The following USP25 variants were observed in gnomAD, a reference collection of about 807,000 sequenced individuals.
USP25 encodes the protein ubiquitin carboxyl-terminal hydrolase 25.
In USP25, 85 loss-of-function variants were observed where a neutral mutation model predicts 158.5. The observed-to-expected ratio is 0.54, with a 90% CI of 0.45 to 0.64. USP25 has a LOEUF of 0.64. USP25 is among the 30% of genes least tolerant of loss of function. The probability of loss-of-function intolerance (pLI) is 0.00; values close to 1 mark genes in which losing one functional copy is unlikely to be tolerated. For synonymous variants in USP25, 464 were observed against 460.4 expected (o/e 1.01, Z -0.10); for missense variants, 1,242 against 1,327.3 (o/e 0.94, Z 1.00).
At chr21:15,780,636 G>A (rs973466190) in intron 4 of USP25, among the ~76,000 whole-genome samples, 2 of 152,184 alleles carry the variant, frequency 1.3e-5, no homozygotes, top group African/African-American at 4.8e-5. Context: ...CATTACTTCT[G>A]TGTTTCAACT....
chr21:15,831,378 A>C, intron 15 of USP25, 23 bp from the exon 16 acceptor site: 2 of 1,608,830 alleles, frequency 1.2e-6, no homozygotes, highest in Non-Finnish European at 1.7e-6. Context: ...TTGCAGTTTA[A>C]CTCTTCTTTT....
chr21:15,765,531 C>T (rs1247481823), intron 2 of USP25, among the ~76,000 whole-genome samples: 1 of 151,984 alleles, frequency 6.6e-6, no homozygotes, highest in Non-Finnish European at 1.5e-5. Context: ...CCATTTTCTT[C>T]CCATGAGTCC....
chr21:15,853,297 GTGTACACACAGGTACACACA>G (rs1266519175), intron 20 of USP25, among the ~76,000 whole-genome samples: 99 of 151,414 alleles, frequency 6.5e-4, no homozygotes, highest in African/African-American at 1.9e-3. Flanking sequence ...GTGTACACAT[GTGTACACACAGGTACACACA>G]TGTACACGCA....
At chr21:15,852,321 G>C (rs2038926748) in intron 20 of USP25, among the ~76,000 whole-genome samples, 1 of 151,990 alleles carries the variant, frequency 6.6e-6, no homozygotes, top group Non-Finnish European at 1.5e-5. Context: ...GAAGGAAGTA[G>C]TTTATATGTT....
Position 15,878,003 on chromosome 21 carries a change from C to G in USP25, c.3205+12C>G. On this transcript the variant is annotated intron_variant, in intron 25 of 25. Transcript: ENST00000400183. ...TCAAGAAATGGAACGTAAGTTTAAA[C>G]AATGGTAGTAGGCACCTGAGATGTC... is the stretch of plus-strand genomic sequence containing the variant. 6.2e-7 allele frequency: 1 copy of G among 1,601,316 alleles called. No individual in the cohort carries two copies. The highest frequency in any genetic ancestry group is 8.5e-7 in the Non-Finnish European group (1 of 1,173,670).
chr21:15,833,217 C>T (rs1159742040), intron 16 of USP25, 131 bp from the exon 17 acceptor site: 19 of 805,740 alleles, frequency 2.4e-5, no homozygotes, highest in Non-Finnish European at 3.6e-5. Context: ...AATAGTAATT[C>T]TTAAGTAATA....
intron 3 of USP25, among the ~76,000 whole-genome samples, chr21:15,774,354 A>G (rs1402154239): frequency 6.6e-6 from 1 of 152,174 alleles, no homozygotes. Flanking sequence ...ACTCATATAC[A>G]AGCCTTTAAG....
At chr21:15,830,206 T>A (rs2037728869) in intron 14 of USP25, among the ~76,000 whole-genome samples, 1 of 152,200 alleles carries the variant, frequency 6.6e-6, no homozygotes, top group Non-Finnish European at 1.5e-5. Context: ...TTACTTGTGT[T>A]ATAGCAATAT....
Position 15,842,546 on chromosome 21 carries a change from A to G in USP25, c.2337+6A>G, listed in dbSNP as rs1158084480. On this transcript the variant is annotated splice_donor_region_variant and intron_variant, in intron 18 of 25. Transcript: ENST00000400183. ...CTGAAACAGTTTTGCAGTCGGTAAG[A>G]ACTTTTCTTTTGGCTCTCTGAACAT... 2 of 1,612,888 alleles carry G rather than the reference A, an allele frequency of 1.2e-6. No homozygotes were observed. The highest frequency in any genetic ancestry group is 1.7e-6 in the Non-Finnish European group (2 of 1,179,322).
intron 25 of USP25, among the ~76,000 whole-genome samples, 156 bp downstream of exon 25, chr21:15,878,147 C>A (rs1378390107): frequency 6.6e-6 from 1 of 152,128 alleles, no homozygotes; most frequent in African/African-American, 2.4e-5. Context: ...TATTGATGAA[C>A]TAAGCTGTGT....
At chr21:15,803,613 C>T (rs1039240085) in intron 6 of USP25, among the ~76,000 whole-genome samples, 1 of 151,766 alleles carries the variant, frequency 6.6e-6, no homozygotes, top group African/African-American at 2.4e-5. Flanking sequence ...AAATATGCTT[C>T]TCAGCAGAAT....
intron 17 of USP25, among the ~76,000 whole-genome samples, chr21:15,836,919 G>A (rs2038090873): frequency 6.7e-6 from 1 of 149,366 alleles, no homozygotes; most frequent in South Asian, 2.2e-4. Context: ...TGCTGTCAGT[G>A]TAGGGAACAG....
intron 11 of USP25, 152 bp downstream of exon 11, chr21:15,824,318 C>A: frequency 1.2e-6 from 1 of 858,724 alleles, no homozygotes; most frequent in Non-Finnish European, 1.7e-6. Context: ...ATGAAATTTA[C>A]TTTGTATTAG....
At chr21:15,824,862 C>A in intron 11 of USP25, 104 bp from the exon 12 acceptor site, 1 of 855,876 alleles carries the variant, frequency 1.2e-6, no homozygotes, top group Non-Finnish European at 1.9e-6. Context: ...GTGATCCTCC[C>A]GCCTTGGCGT....
intron 3 of USP25, among the ~76,000 whole-genome samples, chr21:15,767,594 G>A (rs184539081): frequency 1.3e-4 from 20 of 152,006 alleles, no homozygotes; most frequent in African/African-American, 4.6e-4. Context: ...AAGAGAAGTG[G>A]TATAAAGGTC....
At chr21:15,734,636 TTC>T (rs1163531019) in intron 1 of USP25, among the ~76,000 whole-genome samples, 1 of 151,702 alleles carries the variant, frequency 6.6e-6, no homozygotes, top group African/African-American at 2.4e-5. Context: ...ATACTTAATA[TTC>T]TGACCTCTTT....
At chr21:15,745,819 C>G (rs2032508690) in intron 1 of USP25, among the ~76,000 whole-genome samples, 1 of 152,088 alleles carries the variant, frequency 6.6e-6, no homozygotes, top group African/African-American at 2.4e-5. Flanking sequence ...ATTTTTTCTC[C>G]CTGTGTTTTG....
chr21:15,729,985 C>G lies in USP25; in HGVS notation c.-409C>G, dbSNP rs1484426263. ...GCGGAGGGAGGAGGACAACGCCATT[C>G]CGGGCGGCCGCTCCCTCCGTCCCCT... On this transcript the variant is annotated 5_prime_UTR_variant, in exon 1 of 26. Coordinates refer to ENST00000400183, the MANE Select transcript of USP25 (RefSeq NM_001283041.3). 2.0e-5 allele frequency: 3 copies of G among 151,470 alleles called. No homozygotes were observed. Among genetic ancestry groups the G allele is most frequent in the African/African-American group, 2.4e-5 (1 of 41,352 alleles). 9.4% of individuals were successfully genotyped at this position (151,470 alleles called of 1,614,324 possible).
intron 9 of USP25, among the ~76,000 whole-genome samples, chr21:15,812,736 A>T (rs1243029536): frequency 1.3e-5 from 2 of 152,164 alleles, no homozygotes; most frequent in African/African-American, 4.8e-5. Flanking sequence ...ATTGTGTTAT[A>T]TAAAGGTGGC....
Sources: gnomAD v4.1 joint callset for allele counts (sites outside exome capture counted in the v4.1 genomes callset) on GRCh38, gnomAD v4.1.1 for gene constraint, MANE v1.5 for transcripts, NCBI Gene and HGNC (gene_info 2026-07-23, HGNC 2026-07-21) for gene names.